Variants in DACH1 observed in about 807,000 individuals in gnomAD.
DACH1 encodes the protein dachshund homolog 1.
Under a neutral mutation model 54.2 loss-of-function variants are expected in DACH1, and 12 were observed. That is an observed-to-expected ratio of 0.22 (90% CI 0.14 to 0.36). DACH1 has a LOEUF of 0.36. Ranked by LOEUF, DACH1 falls within the 10% of genes least tolerant of loss-of-function variation. DACH1 has a pLI of 1.00. For synonymous variants in DACH1, 386 were observed against 366.2 expected (o/e 1.05, Z -0.62); for missense variants, 805 against 929.8 (o/e 0.87, Z 1.75).
At chr13:71,829,004 G>A (rs963186779) in intron 1 of DACH1, among the ~76,000 whole-genome samples, 9 of 151,934 alleles carry the variant, frequency 5.9e-5, no homozygotes, top group Non-Finnish European at 8.8e-5. Context: ...TCAATACTGA[G>A]TAAAGTTGTC....
intron 10 of DACH1, among the ~76,000 whole-genome samples, chr13:71,453,593 C>A (rs1053194055): frequency 6.6e-6 from 1 of 152,146 alleles, no homozygotes; most frequent in East Asian, 1.9e-4. Context: ...AAAAACTCAT[C>A]ATCTGGCTTT....
intron 1 of DACH1, among the ~76,000 whole-genome samples, chr13:71,814,999 A>C (rs750860470): frequency 2.6e-5 from 4 of 152,198 alleles, no homozygotes; most frequent in Non-Finnish European, 5.9e-5. Context: ...ATGTAAACTA[A>C]ACGGGTGGGG....
chr13:71,483,940 A>C (rs899428428), intron 7 of DACH1, among the ~76,000 whole-genome samples: 1 of 152,212 alleles, frequency 6.6e-6, no homozygotes, highest in Non-Finnish European at 1.5e-5. Flanking sequence ...GTATAAGTGC[A>C]TTCTATGATG....
chr13:71,751,658 C>A (rs1319446633), intron 1 of DACH1, among the ~76,000 whole-genome samples: 1 of 151,952 alleles, frequency 6.6e-6, no homozygotes, highest in African/African-American at 2.4e-5. Context: ...AAATATCTAG[C>A]AGGAGTAAGA....
At chr13:71,506,946 A>G (rs1385660942) in intron 6 of DACH1, among the ~76,000 whole-genome samples, 1 of 151,556 alleles carries the variant, frequency 6.6e-6, no homozygotes, top group Non-Finnish European at 1.5e-5. Flanking sequence ...CTAAAACCAT[A>G]AAAACCCTAG....
chr13:71,482,062 T>C (rs1878084805), intron 7 of DACH1, among the ~76,000 whole-genome samples: 1 of 152,210 alleles, frequency 6.6e-6, no homozygotes, highest in South Asian at 2.1e-4. Context: ...TAATGACAAG[T>C]CTAATGAAAT....
chr13:71,713,553 G>C (rs1882829542), intron 1 of DACH1, among the ~76,000 whole-genome samples: 2 of 152,038 alleles, frequency 1.3e-5, no homozygotes, highest in Non-Finnish European at 2.9e-5. Flanking sequence ...ATTTAACTTA[G>C]TCATTTTATT....
chr13:71,670,480 T>C (rs1365591889), intron 2 of DACH1, among the ~76,000 whole-genome samples: 2 of 152,082 alleles, frequency 1.3e-5, no homozygotes, highest in African/African-American at 2.4e-5. Context: ...CTAAAACTTA[T>C]TTTGTCCACA....
intron 1 of DACH1, among the ~76,000 whole-genome samples, chr13:71,721,522 T>G (rs2138803871): frequency 6.6e-6 from 1 of 152,262 alleles, no homozygotes; most frequent in East Asian, 1.9e-4. Flanking sequence ...TAAAAGCAGC[T>G]TGGTTTTAGA....
intron 1 of DACH1, among the ~76,000 whole-genome samples, chr13:71,690,093 G>A (rs1489392255): frequency 6.6e-6 from 1 of 152,000 alleles, no homozygotes; most frequent in Non-Finnish European, 1.5e-5. Context: ...TACATCCATG[G>A]TAAATGTCCC....
chr13:71,516,562 T>C (rs991925174), intron 6 of DACH1, among the ~76,000 whole-genome samples: 2 of 151,796 alleles, frequency 1.3e-5, no homozygotes, highest in African/African-American at 4.8e-5. Flanking sequence ...TTAAAACACA[T>C]ATATATTTTT....
At chr13:71,565,421 T>C (rs918593571) in intron 4 of DACH1, among the ~76,000 whole-genome samples, 25 of 152,108 alleles carry the variant, frequency 1.6e-4, no homozygotes, top group Non-Finnish European at 1.8e-4. Flanking sequence ...CCATGGAGCA[T>C]ATATCACACC....
At chr13:71,458,238 A>G (rs1001210922) in intron 10 of DACH1, among the ~76,000 whole-genome samples, 1 of 151,934 alleles carries the variant, frequency 6.6e-6, no homozygotes, top group African/African-American at 2.4e-5. Context: ...AATAAAGGTT[A>G]TTTGTGAATC....
intron 2 of DACH1, among the ~76,000 whole-genome samples, chr13:71,666,955 A>AAT: frequency 6.6e-6 from 1 of 152,194 alleles, no homozygotes; most frequent in Admixed American, 6.5e-5. Flanking sequence ...CATCTTGGGC[A>AAT]ACAAGAGCAA....
intron 2 of DACH1, chr13:71,675,167 G>A: frequency 6.3e-7 from 1 of 1,582,916 alleles, no homozygotes; most frequent in South Asian, 1.1e-5. Flanking sequence ...TCTACTGGAG[G>A]GGTGAAGAAA....
chr13:71,543,455 A>C (rs1883264669), intron 6 of DACH1, among the ~76,000 whole-genome samples: 1 of 152,130 alleles, frequency 6.6e-6, no homozygotes. Context: ...CAGAGGAAAA[A>C]ACATCAAAAA....
chr13:71,623,360 T>C (rs1876387642), intron 3 of DACH1, among the ~76,000 whole-genome samples: 1 of 151,752 alleles, frequency 6.6e-6, no homozygotes, highest in Admixed American at 6.6e-5. Context: ...TAATTTAAGC[T>C]ATATTTTTTA....
Position 71,786,027 on chromosome 13 carries a change from A to T in DACH1, c.848+79895T>A, listed in dbSNP as rs146854970. On this transcript the variant is annotated intron_variant, in intron 1 of 10. Transcript: ENST00000613252. ...AGCTTGGAACAAGGCAAATGTGAAT[A>T]AAAGGAGGCTGCAAGAGAAACATAG... 4.8e-3 allele frequency among the ~76,000 whole-genome samples: 726 copies of T among 152,278 alleles called. 7 individuals are homozygous for T. Among genetic ancestry groups the T allele is most frequent in the African/African-American group, 0.016 (677 of 41,566 alleles).
intron 6 of DACH1, among the ~76,000 whole-genome samples, chr13:71,497,966 A>T (rs1426186423): frequency 6.6e-6 from 1 of 151,992 alleles, no homozygotes; most frequent in Non-Finnish European, 1.5e-5. Flanking sequence ...ACTGTGAATA[A>T]CATAAAACCA....
Sources: allele counts gnomAD v4.1 joint callset (sites outside exome capture counted in the v4.1 genomes callset), GRCh38; gene constraint gnomAD v4.1.1; transcripts MANE v1.5; gene names NCBI Gene and HGNC (gene_info 2026-07-23, HGNC 2026-07-21).